The following PLG variants were observed in gnomAD, a reference collection of about 807,000 sequenced individuals.
PLG encodes plasmin.
PLG carries 41 observed loss-of-function variants against 104.4 expected under a neutral mutation model. The ratio of observed to expected loss-of-function variants is 0.39; its 90% confidence interval spans 0.31 to 0.51. The LOEUF (loss-of-function observed/expected upper bound fraction) is 0.51, where lower values mean the gene tolerates loss of function less well. PLG is among the 20% of genes least tolerant of loss of function. PLG has a pLI of 0.76. For synonymous variants in PLG, 337 were observed against 357.1 expected, an observed-to-expected ratio of 0.94 and a Z score of 0.63; for missense variants, 891 against 1,003.6, an observed-to-expected ratio of 0.89 and a Z score of 1.52.
chr6:160,732,027 T>C lies in PLG; in HGVS notation c.1587+134T>C. On this transcript the variant is annotated intron_variant, in intron 12 of 18. Coordinates refer to ENST00000308192, the MANE Select transcript of PLG (RefSeq NM_000301.5). This position sits in a 1 kb window ranked among gnomAD's most constrained non-coding sequence, Gnocchi z 4.5. ...GGGGAGAGGGGACAGAAGAAAATAT[T>C]GGAAAGGCATCAGGGGGCTAAGCTA... 6.5e-6 allele frequency: 6 copies of C among 921,126 alleles called. No individual in the cohort carries two copies. The highest frequency in any genetic ancestry group is 1.1e-5 in the Non-Finnish European group (6 of 568,500). The allele number at this position is 921,126 out of a possible 1,614,324, so 57.1% of individuals were successfully genotyped here.
chr6:160,702,314 A>G lies in PLG; in HGVS notation c.10A>G (p.Lys4Glu). The change falls in exon 1 of 19, where the codon AAG becomes GAG. Residue 4 changes from lysine (K) to glutamate (E), a missense_variant. Physicochemically the swap from Lys to Glu is moderately conservative, Grantham distance 56. Around this residue, in one of 2 missense-constraint regions of PLG, gnomAD observed 854 missense variants for 932.1 expected, o/e 0.92. Coordinates refer to ENST00000308192, the MANE Select transcript of PLG (RefSeq NM_000301.5). MEH[K>E]EVVLLLLLFL... is the part of the protein sequence containing the mutation. Reference sequence around the variant, plus strand: ...GCTGGCCAGTCCCAAAATGGAACATAAGGAAGTGGTTCTTCTACTTCTTTT... The same window carrying G: ...GCTGGCCAGTCCCAAAATGGAACATGAGGAAGTGGTTCTTCTACTTCTTTT... 4 of 1,610,008 alleles carry G rather than the reference A, an allele frequency of 2.5e-6. No homozygotes were observed. The highest frequency in any genetic ancestry group is 3.4e-6 in the Non-Finnish European group (4 of 1,179,654).
intron 4 of PLG, chr6:160,712,046 C>T (rs1777653433): frequency 4.3e-6 from 2 of 460,566 alleles, no homozygotes; most frequent in Non-Finnish European, 3.2e-6. Context: ...CAACAAATTG[C>T]CTTTGCTATA....
chr6:160,730,091 G>A (rs1275091808), intron 10 of PLG, among the ~76,000 whole-genome samples: 1 of 152,158 alleles, frequency 6.6e-6, no homozygotes, highest in Non-Finnish European at 1.5e-5. Flanking sequence ...TCATGAATGT[G>A]AGGATTCTGA....
intron 17 of PLG, among the ~76,000 whole-genome samples, chr6:160,750,656 A>G (rs1396778601): frequency 6.6e-6 from 1 of 152,202 alleles, no homozygotes; most frequent in Non-Finnish European, 1.5e-5. Context: ...AGCCTCTTCC[A>G]TGCTGCTCAT....
chr6:160,733,566 A>T (rs1364580672), intron 12 of PLG, among the ~76,000 whole-genome samples: 1 of 152,036 alleles, frequency 6.6e-6, no homozygotes, highest in African/African-American at 2.4e-5. Flanking sequence ...GAGGCTGAGC[A>T]TGGTGGCTCA....
chr6:160,747,218 A>T (rs2115185579), intron 17 of PLG, among the ~76,000 whole-genome samples: 1 of 152,352 alleles, frequency 6.6e-6, no homozygotes, highest in Admixed American at 6.5e-5. Flanking sequence ...CCATGGCCCC[A>T]GGTCTAGGAT....
At chr6:160,706,711 T>C (rs1283522700) in intron 2 of PLG, 169 bp downstream of exon 2, 2 of 675,274 alleles carry the variant, frequency 3.0e-6, no homozygotes, top group Non-Finnish European at 5.2e-6. Flanking sequence ...CTTGTTAAGG[T>C]TTATTGGAGT....
In PLG at chr6:160,740,901, A is replaced by C. The variant is rs1331776637; in HGVS notation, c.2019-410A>C. Among the ~76,000 whole-genome samples, 1 of 152,160 alleles carries C rather than the reference A, an allele frequency of 6.6e-6. No homozygotes were observed. The highest frequency in any genetic ancestry group is 1.5e-5 in the Non-Finnish European group (1 of 68,030). Reference sequence around the variant, plus strand: ...GAGCAAGTTGCTCTGGGCACACAACACATTTGCAATTTTACAGCCTCTTGG... The same window carrying C: ...GAGCAAGTTGCTCTGGGCACACAACCCATTTGCAATTTTACAGCCTCTTGG... On this transcript the variant is annotated intron_variant, in intron 16 of 18. Coordinates refer to ENST00000308192, the MANE Select transcript of PLG (RefSeq NM_000301.5). The surrounding 1 kb of genome is among the most constrained non-coding windows in gnomAD (Gnocchi z 5.2).
In PLG at chr6:160,739,236, C is replaced by A; in HGVS notation, c.2018+28C>A. 1 of 1,613,876 alleles carries A rather than the reference C, an allele frequency of 6.2e-7. No individual in the cohort carries two copies. The highest frequency in any genetic ancestry group is 8.5e-7 in the Non-Finnish European group (1 of 1,179,816). ...ACTCGTTCACCTGTGGTCTTCACCCCACGCTGGTGAAGATATTTGCTTTAT... is the reference window on the plus strand; with the variant it reads ...ACTCGTTCACCTGTGGTCTTCACCCAACGCTGGTGAAGATATTTGCTTTAT... On this transcript the variant is annotated intron_variant, in intron 16 of 18. Transcript: ENST00000308192. The surrounding 1 kb of genome is among the most constrained non-coding windows in gnomAD (Gnocchi z 4.4).
chr6:160,730,947 C>A, intron 10 of PLG, 104 bp from the exon 11 acceptor site: 2 of 1,158,142 alleles, frequency 1.7e-6, no homozygotes, highest in Non-Finnish European at 2.6e-6. Context: ...GGGAATATTT[C>A]AAAGCCACTT....
rs1777877914 is a variant in PLG at position 160,723,449 on chromosome 6, T to TA, written c.1256+884dup. 6.6e-6 allele frequency among the ~76,000 whole-genome samples: 1 copy of TA among 152,104 alleles called. No individual in the cohort carries two copies. Among genetic ancestry groups the TA allele is most frequent in the Non-Finnish European group, 1.5e-5 (1 of 68,008 alleles). On this transcript the variant is annotated intron_variant, in intron 10 of 18. Transcript: ENST00000308192. This position sits in a 1 kb window ranked among gnomAD's most constrained non-coding sequence, Gnocchi z 4.7. Reference sequence around the variant, plus strand: ...AGGGAATCAAATGAGATCAACCCAATAACTACCTTGGCTTTGTTCCTGGAG... The same window carrying TA: ...AGGGAATCAAATGAGATCAACCCAATAAACTACCTTGGCTTTGTTCCTGGAG...
rs1778008341 is a variant in PLG at position 160,732,026 on chromosome 6, T to C, written c.1587+133T>C. ...GGGGGAGAGGGGACAGAAGAAAATA[T>C]TGGAAAGGCATCAGGGGGCTAAGCT... On this transcript the variant is annotated intron_variant, in intron 12 of 18. Coordinates refer to ENST00000308192, the MANE Select transcript of PLG (RefSeq NM_000301.5). The surrounding 1 kb of genome is among the most constrained non-coding windows in gnomAD (Gnocchi z 4.5). The C allele has an allele frequency of 1.1e-6, 1 of 933,296 alleles. No homozygotes were observed. The highest frequency in any genetic ancestry group is 1.8e-5 in the Admixed American group (1 of 55,258). The allele number at this position is 933,296 out of a possible 1,614,324, so 57.8% of individuals were successfully genotyped here. A position where few individuals can be genotyped will look rare whatever the true frequency, so the allele number is the denominator to read the frequency against.
chr6:160,711,340 T>C, intron 4 of PLG, 149 bp downstream of exon 4: 1 of 761,058 alleles, frequency 1.3e-6, no homozygotes, highest in Admixed American at 2.6e-5. Context: ...GCATATAACC[T>C]ACATACCTTC....
rs1340091466 is a variant in PLG, at chr6:160,734,645, T to C, written c.1681+557T>C. Among the ~76,000 whole-genome samples the C allele has an allele frequency of 1.3e-5, 2 of 151,818 alleles. No homozygotes were observed. The highest frequency in any genetic ancestry group is 4.8e-5 in the African/African-American group (2 of 41,272). ...ACTGCTTGTTGGGTTCCATCCTCAT[T>C]GCTCTGAGACTCTTGTTGGGAGTAT... On this transcript the variant is annotated intron_variant, in intron 13 of 18. Coordinates refer to ENST00000308192, the MANE Select transcript of PLG (RefSeq NM_000301.5). The surrounding 1 kb of genome is among the most constrained non-coding windows in gnomAD (Gnocchi z 4.4).
rs1180483113 is a variant in PLG, at chr6:160,716,449, A to G, written c.669-196A>G. On this transcript the variant is annotated intron_variant, in intron 6 of 18. Coordinates refer to ENST00000308192, the MANE Select transcript of PLG (RefSeq NM_000301.5). Reference sequence around the variant, plus strand: ...GGACCCTGTCTCTAAAAACAAACAAAAAAAAGAAAGTCCTTGGAATACAGG... The same window carrying G: ...GGACCCTGTCTCTAAAAACAAACAAGAAAAAGAAAGTCCTTGGAATACAGG... Among the ~76,000 whole-genome samples, 3 of 152,284 alleles carry G rather than the reference A, an allele frequency of 2.0e-5. No homozygotes were observed. In the East Asian group the frequency reaches 5.8e-4, roughly 29 times the overall value.
chr6:160,713,747 T>A (rs1020694868), intron 5 of PLG, among the ~76,000 whole-genome samples: 1 of 152,294 alleles, frequency 6.6e-6, no homozygotes, highest in African/African-American at 2.4e-5. Flanking sequence ...ATAAACAATA[T>A]ATATTTAATG....
intron 17 of PLG, among the ~76,000 whole-genome samples, chr6:160,747,008 G>A (rs1393687257): frequency 6.6e-6 from 1 of 152,214 alleles, no homozygotes; most frequent in Non-Finnish European, 1.5e-5. Context: ...GGTAAGTGGG[G>A]TTTTCACCCA....
intron 17 of PLG, among the ~76,000 whole-genome samples, chr6:160,749,967 A>T (rs1778376065): frequency 6.6e-6 from 1 of 152,090 alleles, no homozygotes; most frequent in South Asian, 2.1e-4. Context: ...TTGTAGCTGG[A>T]CCTTGAGCCC....
At chr6:160,733,525 A>AAAT (rs951501150) in intron 12 of PLG, among the ~76,000 whole-genome samples, 6 of 139,040 alleles carry the variant, frequency 4.3e-5, no homozygotes, top group African/African-American at 8.9e-5. Context: ...AACTTTGCCA[A>AAAT]AATAATAATA....
Sources: allele counts gnomAD v4.1 joint callset (sites outside exome capture counted in the v4.1 genomes callset), GRCh38; gene constraint gnomAD v4.1.1; regional missense constraint gnomAD v4.1.1; non-coding constraint Gnocchi (gnomAD v3.1); transcripts MANE v1.5; gene names NCBI Gene and HGNC (gene_info 2026-07-23, HGNC 2026-07-21).